The following CSMD1 variants were observed in gnomAD, a reference collection of about 807,000 sequenced individuals.
CSMD1 encodes CUB and sushi domain-containing protein 1.
Under a neutral mutation model 417.5 loss-of-function variants are expected in CSMD1, and 213 were observed. That is an observed-to-expected ratio of 0.51 (90% CI 0.46 to 0.57). The LOEUF (loss-of-function observed/expected upper bound fraction) is 0.57. Among genes scored for constraint, CSMD1 ranks in the 20% least tolerant of loss-of-function variants. The pLI is 0.00. For synonymous variants in CSMD1, 2,862 were observed against 1,736.8 expected (o/e 1.65, Z -16.11); for missense variants, 6,923 against 4,529.7 (o/e 1.53, Z -15.17).
intron 10 of CSMD1, among the ~76,000 whole-genome samples, chr8:3,543,330 G>A (rs988922706): frequency 6.6e-6 from 1 of 152,214 alleles, no homozygotes; most frequent in African/African-American, 2.4e-5. Context: ...GAGGTGAAAA[G>A]TCACTGGGGA....
intron 5 of CSMD1, among the ~76,000 whole-genome samples, chr8:3,872,734 G>C (rs1805560190): frequency 6.6e-6 from 1 of 151,576 alleles, no homozygotes; most frequent in Admixed American, 6.6e-5. Flanking sequence ...AGAGTGAACA[G>C]ATAACCTTCA....
chr8:3,263,164 T>G (rs2113348), intron 26 of CSMD1, among the ~76,000 whole-genome samples: 1 of 152,152 alleles, frequency 6.6e-6, no homozygotes, highest in South Asian at 2.1e-4. Flanking sequence ...AGTGGCATGA[T>G]CGCAGCTCAC....
intron 1 of CSMD1, among the ~76,000 whole-genome samples, chr8:4,655,209 G>A (rs1057223953): frequency 4.6e-5 from 7 of 151,892 alleles, no homozygotes; most frequent in African/African-American, 9.7e-5. Flanking sequence ...CATGAACTTC[G>A]TTTCCTTCTA....
At chr8:3,987,898 A>G (rs934126101) in intron 5 of CSMD1, among the ~76,000 whole-genome samples, 2 of 152,194 alleles carry the variant, frequency 1.3e-5, no homozygotes, top group African/African-American at 2.4e-5. Flanking sequence ...AACATCTTCT[A>G]CCTGATCTCT....
intron 1 of CSMD1, among the ~76,000 whole-genome samples, chr8:4,817,636 A>C (rs17071540): frequency 0.25 from 38,015 of 152,222 alleles, 4,910 homozygotes; most frequent in South Asian, 0.29. Context: ...ACAATTTAAT[A>C]ACATGCATAA....
chr8:4,348,134 G>C (rs1016015204), intron 3 of CSMD1, among the ~76,000 whole-genome samples: 19 of 152,186 alleles, frequency 1.2e-4, no homozygotes, highest in Non-Finnish European at 2.1e-4. Context: ...GTATTAAAGA[G>C]AGAAGACCTT....
Position 2,957,784 on chromosome 8 carries a change from C to T in CSMD1, c.9726G>A (p.Arg3242=). The change falls in exon 63 of 70, where the codon AGG becomes AGA. Residue 3242 remains arginine (R), a synonymous_variant. Coordinates refer to ENST00000635120, the MANE Select transcript of CSMD1 (RefSeq NM_033225.6). ...CTTGAATATGGTAGCCTTTTCTGCA[C>T]CTGAAAAAAACCGTGCTTCCAACCT... ...GYEVGSTVFF[R]CRKGYHIQGS... is the part of the protein sequence containing the mutation. 2 of 1,589,322 alleles carry T rather than the reference C, an allele frequency of 1.3e-6. No individual in the cohort carries two copies. Among genetic ancestry groups the T allele is most frequent in the Non-Finnish European group, 1.7e-6 (2 of 1,166,388 alleles).
chr8:4,144,298 T>C (rs756368202), intron 3 of CSMD1, among the ~76,000 whole-genome samples: 3 of 151,058 alleles, frequency 2.0e-5, no homozygotes, highest in Admixed American at 6.6e-5. Flanking sequence ...TTAAACAGGA[T>C]ACCCCACTTA....
At chr8:4,172,262 G>C (rs923592426) in intron 3 of CSMD1, among the ~76,000 whole-genome samples, 1 of 152,092 alleles carries the variant, frequency 6.6e-6, no homozygotes, top group African/African-American at 2.4e-5. Flanking sequence ...ATGAATGTCT[G>C]GAATCCTCTT....
At chr8:4,262,486 A>G (rs1282225402) in intron 3 of CSMD1, among the ~76,000 whole-genome samples, 8 of 152,070 alleles carry the variant, frequency 5.3e-5, no homozygotes. Context: ...TTCCCTTGCT[A>G]TTTCCTTTTG....
intron 3 of CSMD1, among the ~76,000 whole-genome samples, chr8:4,305,864 C>A (rs1333986766): frequency 6.6e-6 from 1 of 152,148 alleles, no homozygotes; most frequent in Non-Finnish European, 1.5e-5. Context: ...CCCTTCCAGT[C>A]TTTGCTTACG....
intron 51 of CSMD1, among the ~76,000 whole-genome samples, chr8:3,020,473 C>A (rs1317726200): frequency 1.3e-5 from 2 of 152,104 alleles, no homozygotes; most frequent in Non-Finnish European, 2.9e-5. Context: ...GGGTTCAAGA[C>A]ATCCTTCTGC....
chr8:3,814,162 C>T (rs1260831891), intron 5 of CSMD1, among the ~76,000 whole-genome samples: 6 of 152,158 alleles, frequency 3.9e-5, no homozygotes, highest in East Asian at 3.9e-4. Flanking sequence ...GTACCCCCAG[C>T]GTGGAAGTCA....
intron 3 of CSMD1, among the ~76,000 whole-genome samples, chr8:4,306,828 C>G (rs964959514): frequency 8.6e-5 from 6 of 69,452 alleles, no homozygotes; most frequent in African/African-American, 3.5e-4. Context: ...CCTAACATCT[C>G]CAGATTTAAA....
At chr8:4,251,283 T>A (rs1035208552) in intron 3 of CSMD1, among the ~76,000 whole-genome samples, 3 of 152,138 alleles carry the variant, frequency 2.0e-5, no homozygotes, top group Non-Finnish European at 2.9e-5. Flanking sequence ...TTAAAAAAAA[T>A]GTTAAAAAGT....
intron 3 of CSMD1, among the ~76,000 whole-genome samples, chr8:4,198,743 T>C (rs1799482509): frequency 6.6e-6 from 1 of 152,202 alleles, no homozygotes. Flanking sequence ...TTGTAATCTA[T>C]ACTTTCTATG....
At chr8:3,262,160 T>G (rs1238257276) in intron 26 of CSMD1, among the ~76,000 whole-genome samples, 3 of 142,384 alleles carry the variant, frequency 2.1e-5, no homozygotes, top group African/African-American at 8.0e-5. Flanking sequence ...CAAACCATTT[T>G]ATTTCTAAAA....
chr8:3,779,296 G>C (rs972502940), intron 5 of CSMD1, among the ~76,000 whole-genome samples: 2 of 151,920 alleles, frequency 1.3e-5, no homozygotes, highest in African/African-American at 2.4e-5. Flanking sequence ...AACTAGGCTT[G>C]AACTTTTCTA....
chr8:3,353,304 C>A (rs539652146), intron 21 of CSMD1, among the ~76,000 whole-genome samples: 2 of 152,118 alleles, frequency 1.3e-5, no homozygotes, highest in African/African-American at 4.8e-5. Context: ...GACTTAATTC[C>A]GTTTTCAAAT....
Sources: allele counts gnomAD v4.1 joint callset (sites outside exome capture counted in the v4.1 genomes callset), GRCh38; gene constraint gnomAD v4.1.1; transcripts MANE v1.5; gene names NCBI Gene and HGNC (gene_info 2026-07-23, HGNC 2026-07-21).